The following PRKG1 variants were observed in gnomAD, a reference collection of about 807,000 sequenced individuals.
PRKG1 encodes the protein protein kinase cGMP-dependent 1.
PRKG1 carries 35 observed loss-of-function variants against 88.1 expected under a neutral mutation model. That is an observed-to-expected ratio of 0.40 (90% confidence interval 0.30 to 0.53). The LOEUF (loss-of-function observed/expected upper bound fraction) is 0.53, where lower values mean the gene tolerates loss of function less well. Among genes scored for constraint, PRKG1 ranks in the 20% least tolerant of loss-of-function variants. The pLI, the probability that PRKG1 is intolerant of heterozygous loss-of-function variation, is 0.59. For missense variants in PRKG1, 540 were observed against 839.8 expected, an observed-to-expected ratio of 0.64 and a Z score of 4.41; for synonymous variants, 303 against 292.5, an observed-to-expected ratio of 1.04 and a Z score of -0.37.
intron 1 of PRKG1, among the ~76,000 whole-genome samples, chr10:51,027,995 A>G (rs1843230782): frequency 6.6e-6 from 1 of 152,202 alleles, no homozygotes; most frequent in Non-Finnish European, 1.5e-5. Flanking sequence ...CAAGGCATTT[A>G]TCATAGATAA....
chr10:51,684,567 T>TTA (rs1006528556), intron 3 of PRKG1, among the ~76,000 whole-genome samples: 14 of 151,870 alleles, frequency 9.2e-5, no homozygotes, highest in Admixed American at 2.0e-4. Context: ...TAGAATTACT[T>TTA]TATATATATA....
intron 3 of PRKG1, among the ~76,000 whole-genome samples, chr10:51,788,057 G>T (rs140546464): frequency 7.9e-4 from 120 of 152,284 alleles, no homozygotes; most frequent in Non-Finnish European, 1.5e-3. Flanking sequence ...CACAATTGGT[G>T]CTATTGTGTG....
intron 2 of PRKG1, among the ~76,000 whole-genome samples, chr10:51,423,014 A>G (rs1044872111): frequency 1.3e-5 from 2 of 151,862 alleles, no homozygotes; most frequent in Non-Finnish European, 2.9e-5. Context: ...AAAAACACCA[A>G]TGTACCGGTT....
intron 1 of PRKG1, among the ~76,000 whole-genome samples, chr10:51,034,664 TTATTTATATATATA>T (rs1185400518): frequency 1.0e-4 from 1 of 9,946 alleles, no homozygotes; most frequent in East Asian, 2.5e-3. Flanking sequence ...ATATAATATG[TTATTTATATATATA>T]TATATATATA....
intron 2 of PRKG1, among the ~76,000 whole-genome samples, chr10:51,340,688 T>C (rs926584423): frequency 6.6e-6 from 1 of 152,186 alleles, no homozygotes; most frequent in Non-Finnish European, 1.5e-5. Flanking sequence ...CTATCTAGCT[T>C]CAGAGAACAC....
intron 6 of PRKG1, among the ~76,000 whole-genome samples, chr10:52,058,396 C>T (rs10824006): frequency 0.32 from 47,989 of 151,846 alleles, 8,154 homozygotes; most frequent in Non-Finnish European, 0.39. Flanking sequence ...CCAAATGATG[C>T]AGTGAAAGGG....
intron 3 of PRKG1, among the ~76,000 whole-genome samples, chr10:51,715,488 C>A (rs937567192): frequency 6.6e-6 from 1 of 152,044 alleles, no homozygotes. Context: ...TTTGAGAAAC[C>A]CTTCATTTGA....
chr10:51,594,440 T>C (rs1470668943), intron 3 of PRKG1, among the ~76,000 whole-genome samples: 1 of 152,174 alleles, frequency 6.6e-6, no homozygotes, highest in African/African-American at 2.4e-5. Context: ...TTTGTTGATA[T>C]TACATCACAA....
At chr10:51,796,720 G>A (rs904987973) in intron 3 of PRKG1, among the ~76,000 whole-genome samples, 7 of 152,102 alleles carry the variant, frequency 4.6e-5, no homozygotes, top group Admixed American at 3.3e-4. Flanking sequence ...GACAAGATCA[G>A]CATTTGAATC....
At chr10:52,151,659 G>A (rs988595335) in intron 8 of PRKG1, among the ~76,000 whole-genome samples, 2 of 152,138 alleles carry the variant, frequency 1.3e-5, no homozygotes, top group East Asian at 3.9e-4. Context: ...GCCACAAAAA[G>A]TATGTCCATT....
chr10:51,349,735 G>A (rs1842199794), intron 2 of PRKG1, among the ~76,000 whole-genome samples: 2 of 152,006 alleles, frequency 1.3e-5, no homozygotes, highest in Non-Finnish European at 2.9e-5. Flanking sequence ...TTAAACTCCT[G>A]ACCTCAAGTG....
chr10:51,074,662 C>T lies in PRKG1; in HGVS notation c.72C>T (p.Leu24=). The stretch of plus-strand genomic sequence containing the variant: ...AGGAGCTGAGGCAGCGGGATGCTCT[C>T]ATCGACGAGCTGGAGCTGGAGTTGG... ...KIEELRQRDA[L]IDELELELDQ... The change falls in exon 1 of 18, where the codon CTC becomes CTT. Residue 24 remains leucine (L), a synonymous_variant. Coordinates refer to ENST00000373980, the MANE Select transcript of PRKG1 (RefSeq NM_006258.4). The T allele has an allele frequency of 6.2e-7, 1 of 1,614,092 alleles. No homozygotes were observed. Among genetic ancestry groups the T allele is most frequent in the Non-Finnish European group, 8.5e-7 (1 of 1,179,982 alleles).
chr10:52,061,915 A>G (rs1846244684), intron 6 of PRKG1, among the ~76,000 whole-genome samples: 1 of 152,100 alleles, frequency 6.6e-6, no homozygotes, highest in South Asian at 2.1e-4. Context: ...TAGAGAAACT[A>G]GGATATGCAT....
intron 3 of PRKG1, 80 bp from the exon 4 acceptor site, chr10:51,804,505 T>A: frequency 2.2e-6 from 2 of 925,946 alleles, no homozygotes; most frequent in Non-Finnish European, 3.5e-6. Flanking sequence ...GAATAGCTCA[T>A]CTCCTTTGCA....
At chr10:51,262,034 C>G (rs892801202) in intron 2 of PRKG1, among the ~76,000 whole-genome samples, 3 of 151,510 alleles carry the variant, frequency 2.0e-5, no homozygotes, top group Admixed American at 6.6e-5. Flanking sequence ...CTACAGGCGC[C>G]CGCCACTATG....
intron 3 of PRKG1, among the ~76,000 whole-genome samples, chr10:51,755,899 T>C (rs1246257193): frequency 9.2e-5 from 14 of 152,218 alleles, no homozygotes; most frequent in Admixed American, 9.2e-4. Context: ...AATGAAATTC[T>C]TATGACATAA....
chr10:51,392,862 A>AC (rs1211113090), intron 2 of PRKG1, among the ~76,000 whole-genome samples: 12 of 104,544 alleles, frequency 1.1e-4, no homozygotes, highest in Admixed American at 3.9e-4. Flanking sequence ...CTGGGGGCTG[A>AC]CCCCCCCACC....
At chr10:52,007,844 A>G (rs1844778342) in intron 5 of PRKG1, among the ~76,000 whole-genome samples, 1 of 152,122 alleles carries the variant, frequency 6.6e-6, no homozygotes, top group South Asian at 2.1e-4. Context: ...CACATGGTAC[A>G]TATTCTAAAA....
intron 3 of PRKG1, among the ~76,000 whole-genome samples, chr10:51,504,133 C>T (rs1841119137): frequency 6.6e-6 from 1 of 152,044 alleles, no homozygotes; most frequent in Non-Finnish European, 1.5e-5. Context: ...GGCCTCATAA[C>T]ACAAAAGATG....
Sources: gnomAD v4.1 joint callset for allele counts (sites outside exome capture counted in the v4.1 genomes callset) on GRCh38, gnomAD v4.1.1 for gene constraint, MANE v1.5 for transcripts, NCBI Gene and HGNC (gene_info 2026-07-23, HGNC 2026-07-21) for gene names.